The following BRI3 variants were observed in gnomAD, a reference collection of about 807,000 sequenced individuals.
BRI3 encodes membrane protein BRI3.
A neutral mutation model predicts 12.8 loss-of-function variants in BRI3; 6 were observed. The observed-to-expected ratio is 0.47, with a 90% CI of 0.26 to 0.93. The LOEUF is 0.93. Ranked by LOEUF, BRI3 falls within the 40% of genes least tolerant of loss-of-function variation. The pLI is 0.15. For synonymous variants in BRI3, 91 were observed against 76.1 expected, an observed-to-expected ratio of 1.20 and a Z score of -1.02; for missense variants, 134 against 171.1, an observed-to-expected ratio of 0.78 and a Z score of 1.21.
intron 2 of BRI3, among the ~76,000 whole-genome samples, chr7:98,287,644 C>A (rs573032296): frequency 6.6e-6 from 1 of 152,212 alleles, no homozygotes; most frequent in African/African-American, 2.4e-5. Flanking sequence ...AGCCTTCCTG[C>A]ACTTCTCAGC....
At chr7:98,304,326 C>T (rs1800549111), upstream of BRI3, 2 of 1,613,640 alleles carry the variant, frequency 1.2e-6, no homozygotes, top group African/African-American at 1.3e-5. Flanking sequence ...GATGACAACA[C>T]TGCTATTCTC....
At chr7:98,317,656 C>T in the BRI3 span, among the ~76,000 whole-genome samples, 2 of 151,404 alleles carry the variant, frequency 1.3e-5, no homozygotes, top group Admixed American at 1.3e-4. Context: ...CATCCACACA[C>T]TGGCTGGGAC....
At chr7:98,320,046 C>G in the BRI3 span, 1 of 1,609,684 alleles carries the variant, frequency 6.2e-7, no homozygotes, top group Non-Finnish European at 8.5e-7. Flanking sequence ...TGGAGGAAAA[C>G]CATGCACTTA....
At chr7:98,318,066 G>A in the BRI3 span, among the ~76,000 whole-genome samples, 6 of 152,096 alleles carry the variant, frequency 3.9e-5, no homozygotes, top group South Asian at 1.2e-3. Flanking sequence ...TGCTGGCTGG[G>A]ACCCTCAACC....
At chr7:98,283,511 A>G (rs978062852) in intron 2 of BRI3, among the ~76,000 whole-genome samples, 1 of 150,488 alleles carries the variant, frequency 6.6e-6, no homozygotes, top group Non-Finnish European at 1.5e-5. Context: ...CCCAGCAGAA[A>G]CATTAGCCTT....
At chr7:98,310,018 T>A (rs1800811185) in exon 2 of BRI3, 1 of 159,200 alleles carries the variant, frequency 6.3e-6, no homozygotes, top group African/African-American at 2.4e-5. Flanking sequence ...CCTGGCTAAT[T>A]TTTTGTATTT....
intron 2 of BRI3, among the ~76,000 whole-genome samples, chr7:98,290,181 G>GTTTTTTTTTTTTTTTTTTTTTTTTTT (rs1180326213): frequency 9.8e-6 from 1 of 102,564 alleles, no homozygotes; most frequent in Non-Finnish European, 1.8e-5. Context: ...TCTCAAGGTT[G>GTTTTTTTTTTTTTTTTTTTTTTTTTT]TTTTTTTTTT....
At chr7:98,312,079 G>T, downstream of BRI3, 1 of 1,575,082 alleles carries the variant, frequency 6.3e-7, no homozygotes, top group Non-Finnish European at 8.6e-7. Flanking sequence ...AAATCTGGAA[G>T]AGAAAACTGG....
At chr7:98,284,441 G>A (rs1799641540) in intron 2 of BRI3, among the ~76,000 whole-genome samples, 1 of 152,240 alleles carries the variant, frequency 6.6e-6, no homozygotes. Context: ...CTCTGCTGCT[G>A]GCGTGGGTGG....
At chr7:98,314,611 A>G (rs1801002735), downstream of BRI3, among the ~76,000 whole-genome samples, 3 of 152,210 alleles carry the variant, frequency 2.0e-5, no homozygotes, top group Admixed American at 2.0e-4. Flanking sequence ...TGATGAGGTC[A>G]TTCAGTTGAA....
chr7:98,312,457 G>A (rs1325415400), downstream of BRI3, among the ~76,000 whole-genome samples: 1 of 152,176 alleles, frequency 6.6e-6, no homozygotes, highest in Non-Finnish European at 1.5e-5. Flanking sequence ...AGGGGCAAAG[G>A]CTCTGACTCA....
chr7:98,311,970 A>G (rs569974666), downstream of BRI3: 19 of 909,232 alleles, frequency 2.1e-5, no homozygotes, highest in African/African-American at 3.0e-4. Flanking sequence ...AAGGGGATAG[A>G]GGTGCGAAAA....
chr7:98,318,604 G>C, the BRI3 span, among the ~76,000 whole-genome samples: 3 of 151,330 alleles, frequency 2.0e-5, no homozygotes, highest in Non-Finnish European at 2.9e-5. Context: ...ACGGACCCGC[G>C]TCAGAATTCA....
chr7:98,315,783 G>A, the BRI3 span, among the ~76,000 whole-genome samples: 7 of 152,136 alleles, frequency 4.6e-5, no homozygotes, highest in African/African-American at 1.7e-4. Flanking sequence ...AGATACCATC[G>A]TTCTCCTTGA....
At chr7:98,307,627 T>G in exon 2 of BRI3, 1 of 1,596,994 alleles carries the variant, frequency 6.3e-7, no homozygotes, top group East Asian at 2.2e-5. Flanking sequence ...GTTTGCAGCT[T>G]GGCTGCTCTG....
chr7:98,311,501 A>G (rs1243765373), downstream of BRI3, among the ~76,000 whole-genome samples: 1 of 151,970 alleles, frequency 6.6e-6, no homozygotes, highest in Non-Finnish European at 1.5e-5. Flanking sequence ...AGATTGCGCC[A>G]TTGCACTCCA....
downstream of BRI3, chr7:98,293,434 C>T: frequency 7.8e-7 from 1 of 1,289,426 alleles, no homozygotes; most frequent in East Asian, 2.3e-5. Context: ...CTGAAGCTTC[C>T]CGACCGTCAG....
intron 1 of BRI3, 108 bp from the exon 2 acceptor site, chr7:98,282,242 AC>A (rs1431450543): frequency 9.8e-6 from 10 of 1,019,170 alleles, no homozygotes; most frequent in Non-Finnish European, 1.5e-5. Flanking sequence ...GGTGGAAAAG[AC>A]CGGGGGCTTT....
At chr7:98,322,613 T>C in the BRI3 span, among the ~76,000 whole-genome samples, 3 of 152,128 alleles carry the variant, frequency 2.0e-5, no homozygotes, top group African/African-American at 7.2e-5. Flanking sequence ...CACCAAGACA[T>C]GTTCACCAGG....
Sources: gnomAD v4.1 joint callset for allele counts (sites outside exome capture counted in the v4.1 genomes callset) on GRCh38, gnomAD v4.1.1 for gene constraint, MANE v1.5 for transcripts, NCBI Gene and HGNC (gene_info 2026-07-23, HGNC 2026-07-21) for gene names.